CACNA2D1: variants seen among roughly 807,000 people sequenced by gnomAD.
CACNA2D1 encodes voltage-dependent calcium channel subunit alpha-2/delta-1.
Under a neutral mutation model 171.5 loss-of-function variants are expected in CACNA2D1, and 53 were observed. The ratio of observed to expected loss-of-function variants is 0.31; its 90% CI spans 0.25 to 0.39. The LOEUF (loss-of-function observed/expected upper bound fraction) is 0.39, where lower values mean the gene tolerates loss of function less well. Ranked by LOEUF, CACNA2D1 falls within the 10% of genes least tolerant of loss-of-function variation. The pLI, the probability that CACNA2D1 is intolerant of heterozygous loss-of-function variation, is 1.00. For missense variants in CACNA2D1, 903 were observed against 1,299.8 expected (o/e 0.69, Z 4.69); for synonymous variants, 442 against 443.1 (o/e 1.00, Z 0.03).
chr7:82,079,037 T>C (rs572491766), intron 7 of CACNA2D1, among the ~76,000 whole-genome samples: 1 of 152,336 alleles, frequency 6.6e-6, no homozygotes, highest in East Asian at 1.9e-4. Context: ...ATTAAGAGTT[T>C]AAATCTCCAT....
chr7:82,380,528 G>A (rs148758090), intron 1 of CACNA2D1, among the ~76,000 whole-genome samples: 121 of 152,016 alleles, frequency 8.0e-4, no homozygotes, highest in African/African-American at 2.7e-3. Flanking sequence ...AGAGACAGGC[G>A]GCAAGTGAGA....
chr7:82,263,102 C>CTTTTTT lies in CACNA2D1; in HGVS notation c.294+72027_294+72032dup, dbSNP rs759968270. Among the ~76,000 whole-genome samples, 248 of 107,980 alleles carry CTTTTTT rather than the reference C, an allele frequency of 2.3e-3. 5 individuals carry two copies. Among genetic ancestry groups the CTTTTTT allele is most frequent in the Non-Finnish European group, 3.1e-3 (173 of 56,242 alleles). The allele number at this position is 107,980 out of a possible 152,430, so 70.8% of individuals were successfully genotyped here. On this transcript the variant is annotated intron_variant, in intron 3 of 38. Coordinates refer to ENST00000356860, the MANE Select transcript of CACNA2D1 (RefSeq NM_000722.4). Reference sequence around the variant, plus strand: ...AAGGCTCCTATGTCACATAACACCACTTTTTTTTTTTTTTTTTTTTGAGAC... The same window carrying CTTTTTT: ...AAGGCTCCTATGTCACATAACACCACTTTTTTTTTTTTTTTTTTTTTTTTTTGAGAC...
At chr7:82,060,188 TATTA>T (rs1376042863) in intron 10 of CACNA2D1, among the ~76,000 whole-genome samples, 3 of 15,926 alleles carry the variant, frequency 1.9e-4, no homozygotes, top group African/African-American at 5.2e-4. Context: ...AATATATATA[TATTA>T]TATATATATT....
intron 3 of CACNA2D1, among the ~76,000 whole-genome samples, chr7:82,237,440 T>G (rs1803738408): frequency 6.6e-6 from 1 of 151,960 alleles, no homozygotes; most frequent in African/African-American, 2.4e-5. Flanking sequence ...TAGATTGTTT[T>G]TTTTCCTACC....
chr7:82,409,421 G>T (rs1357150823), intron 1 of CACNA2D1, among the ~76,000 whole-genome samples: 1 of 152,164 alleles, frequency 6.6e-6, no homozygotes, highest in Admixed American at 6.5e-5. Context: ...ACTGAAATAT[G>T]AAGAAATAAA....
rs769232295 is a variant in CACNA2D1, at chr7:81,964,368, GA to G, written c.2575-10del. 6 of 1,609,822 alleles carry G rather than the reference GA, an allele frequency of 3.7e-6. No homozygotes were observed. The South Asian group carries it at 5.5e-5, about 15-fold the overall frequency. On this transcript the variant is annotated splice_polypyrimidine_tract_variant and intron_variant, in intron 32 of 38. Transcript: ENST00000356860. ...CCAAAAAATCTTCCAATCTGGTGAAGAAAAAAATCATAAAGCAACGTGCACT... is the reference window on the plus strand; with the variant it reads ...CCAAAAAATCTTCCAATCTGGTGAAGAAAAAATCATAAAGCAACGTGCACT...
chr7:82,212,877 A>C (rs1800713440), intron 3 of CACNA2D1, among the ~76,000 whole-genome samples: 4 of 152,064 alleles, frequency 2.6e-5, no homozygotes, highest in Admixed American at 1.3e-4. Context: ...TGGGAAGACA[A>C]GAAGTCTAGG....
chr7:82,153,854 A>G (rs868126513), intron 4 of CACNA2D1, among the ~76,000 whole-genome samples: 20 of 152,046 alleles, frequency 1.3e-4, no homozygotes, highest in African/African-American at 4.6e-4. Context: ...ATAAAAAAAA[A>G]ACACCCATTG....
intron 20 of CACNA2D1, 24 bp downstream of exon 20, chr7:81,994,844 G>A (rs745341333): frequency 8.6e-7 from 1 of 1,158,756 alleles, no homozygotes; most frequent in Non-Finnish European, 1.3e-6. Flanking sequence ...TTTTATTTAA[G>A]AATAAGCTAG....
At chr7:82,032,764 A>C in intron 12 of CACNA2D1, 33 bp downstream of exon 12, 1 of 1,205,576 alleles carries the variant, frequency 8.3e-7, no homozygotes, top group Non-Finnish European at 1.2e-6. Context: ...CTAGATCATT[A>C]TTAAAATTTA....
At chr7:82,109,300 C>G (rs548371232) in intron 6 of CACNA2D1, among the ~76,000 whole-genome samples, 6 of 152,162 alleles carry the variant, frequency 3.9e-5, no homozygotes, top group African/African-American at 1.2e-4. Context: ...GATGAAAACT[C>G]TTTTATGATT....
intron 10 of CACNA2D1, among the ~76,000 whole-genome samples, chr7:82,038,596 G>C (rs998319580): frequency 1.3e-5 from 2 of 152,210 alleles, no homozygotes; most frequent in Non-Finnish European, 2.9e-5. Context: ...TGGGATGCTT[G>C]CCCTGGTTGT....
chr7:82,287,801 G>A (rs1193371327), intron 3 of CACNA2D1, among the ~76,000 whole-genome samples: 1 of 151,956 alleles, frequency 6.6e-6, no homozygotes, highest in African/African-American at 2.4e-5. Flanking sequence ...AGCTCTGAGA[G>A]TTACAAGGGC....
intron 1 of CACNA2D1, among the ~76,000 whole-genome samples, chr7:82,350,708 T>A (rs757152958): frequency 1.1e-4 from 17 of 152,088 alleles, no homozygotes; most frequent in Admixed American, 2.0e-4. Context: ...AATTATTTCC[T>A]TAGCTAGACT....
intron 4 of CACNA2D1, among the ~76,000 whole-genome samples, chr7:82,143,368 CT>C (rs1314961937): frequency 6.6e-6 from 1 of 151,936 alleles, no homozygotes; most frequent in East Asian, 1.9e-4. Flanking sequence ...TTGTTAACTA[CT>C]TTTTATATAT....
At chr7:82,033,617 T>C (rs1012314793) in intron 11 of CACNA2D1, among the ~76,000 whole-genome samples, 2 of 152,046 alleles carry the variant, frequency 1.3e-5, no homozygotes, top group African/African-American at 2.4e-5. Context: ...TGCTGATACC[T>C]ATTCCCAGGA....
chr7:81,971,929 T>C, intron 25 of CACNA2D1, 65 bp from the exon 26 acceptor site: 2 of 1,019,662 alleles, frequency 2.0e-6, no homozygotes, highest in South Asian at 1.3e-5. Context: ...ATGAAAAATA[T>C]ATTTTCTATT....
chr7:82,357,401 T>C (rs1267899944), intron 1 of CACNA2D1, among the ~76,000 whole-genome samples: 2 of 152,182 alleles, frequency 1.3e-5, no homozygotes, highest in African/African-American at 4.8e-5. Context: ...CATAGTTATC[T>C]ATTTAATTGT....
intron 1 of CACNA2D1, among the ~76,000 whole-genome samples, chr7:82,356,574 A>G (rs1405940424): frequency 2.0e-5 from 3 of 152,194 alleles, no homozygotes; most frequent in Non-Finnish European, 4.4e-5. Flanking sequence ...CAAAATTTTT[A>G]TGACAGTGCT....
Sources: allele counts gnomAD v4.1 joint callset (sites outside exome capture counted in the v4.1 genomes callset), GRCh38; gene constraint gnomAD v4.1.1; transcripts MANE v1.5; gene names NCBI Gene and HGNC (gene_info 2026-07-23, HGNC 2026-07-21).